Variants in DNM1L observed in about 807,000 individuals in gnomAD.
DNM1L encodes the protein dynamin 1L, also known as dynamin-1-like protein.
DNM1L carries 33 observed loss-of-function variants against 92.8 expected under a neutral mutation model. That is an observed-to-expected ratio of 0.36 (90% confidence interval 0.27 to 0.48). The LOEUF (loss-of-function observed/expected upper bound fraction) is 0.48. Among genes scored for constraint, DNM1L ranks in the 20% least tolerant of loss-of-function variants. The pLI, the probability that DNM1L is intolerant of heterozygous loss-of-function variation, is 0.99. For synonymous variants in DNM1L, 284 were observed against 305.0 expected, an observed-to-expected ratio of 0.93 and a Z score of 0.72; for missense variants, 485 against 888.8, an observed-to-expected ratio of 0.55 and a Z score of 5.78.
In DNM1L at chr12:32,731,963, A is replaced by G. The variant is rs775577818; in HGVS notation, c.1446+20A>G. ...GAAATGGTGAGCTACTATAGCATAG[A>G]TCATTGTAATTACTATTAGTAAAAG... On this transcript the variant is annotated intron_variant, in intron 12 of 19. Transcript: ENST00000549701. The surrounding 1 kb of genome is among the most constrained non-coding windows in gnomAD (Gnocchi z 5.1). 25 of 1,567,212 alleles carry G rather than the reference A, an allele frequency of 1.6e-5. 1 individual carries two copies. The South Asian group carries it at 2.7e-4, about 17-fold the overall frequency.
At chr12:32,689,180 A>G (rs1423790786) in intron 1 of DNM1L, among the ~76,000 whole-genome samples, 1 of 151,178 alleles carries the variant, frequency 6.6e-6, no homozygotes. Flanking sequence ...TGGTAGAAAC[A>G]TTGTAGTTTA....
chr12:32,706,934 C>G (rs921237283), intron 2 of DNM1L: 1 of 221,720 alleles, frequency 4.5e-6, no homozygotes, highest in African/African-American at 2.4e-5. Flanking sequence ...TTTTGCACTA[C>G]TCAGTGGGAT....
chr12:32,681,595 C>T lies in DNM1L; in HGVS notation c.102+2130C>T, dbSNP rs1390139274. Among the ~76,000 whole-genome samples, 10 of 141,976 alleles carry T rather than the reference C, an allele frequency of 7.0e-5. No homozygotes were observed. The East Asian group carries it at 2.2e-3, about 31-fold the overall frequency. 93.1% of individuals were successfully genotyped at this position (141,976 alleles called of 152,430 possible). On this transcript the variant is annotated intron_variant, in intron 1 of 19. Transcript: ENST00000549701. ...CCCCGCCCCTATTTTCTCCCCACAC[C>T]GCCCCCCCGCCCCCGCCTTTTTTGT...
chr12:32,727,418 C>T lies in DNM1L; in HGVS notation c.1080-3596C>T, dbSNP rs528909559. On this transcript the variant is annotated intron_variant, in intron 9 of 19. Coordinates refer to ENST00000549701, the MANE Select transcript of DNM1L (RefSeq NM_012062.5). ...TCAGTGGCTACTATGAGAAGCCAGG[C>T]GGCTGGAGCTGTGCAGGCAGTGACT... 113 of 720,910 alleles carry T rather than the reference C, an allele frequency of 1.6e-4. 1 individual carries two copies. Among genetic ancestry groups the T allele is most frequent in the South Asian group, 1.4e-3 (95 of 69,446 alleles). 44.7% of individuals were successfully genotyped at this position (720,910 alleles called of 1,614,324 possible).
At chr12:32,732,700 T>G (rs567643945) in intron 12 of DNM1L, 7 of 413,514 alleles carry the variant, frequency 1.7e-5, no homozygotes, top group Non-Finnish European at 2.9e-5. Flanking sequence ...TCATTGGACC[T>G]TCATTTTAAT....
At chr12:32,697,817 C>T (rs1952530453) in intron 1 of DNM1L, among the ~76,000 whole-genome samples, 1 of 151,450 alleles carries the variant, frequency 6.6e-6, no homozygotes, top group Non-Finnish European at 1.5e-5. Flanking sequence ...TAAAAAAAAT[C>T]AATTACAAAG....
chr12:32,725,854 C>T (rs1592645504), intron 9 of DNM1L, among the ~76,000 whole-genome samples: 1 of 151,546 alleles, frequency 6.6e-6, no homozygotes, highest in African/African-American at 2.4e-5. Context: ...ATCTGCCTGC[C>T]TCAGCCTCCC....
At position 32,711,524 on chromosome 12, in the gene DNM1L, C is replaced by T. The variant is rs187838921; in HGVS notation, c.456+509C>T. 3.3e-5 allele frequency among the ~76,000 whole-genome samples: 5 copies of T among 152,124 alleles called. No homozygotes were observed. In the East Asian group the frequency reaches 9.7e-4, roughly 29 times the overall value. ...GATTTGGTATTTCTATAGTCTTCCC[C>T]CATCGCAATAAATGGCAACTCATGC... On this transcript the variant is annotated intron_variant, in intron 5 of 19. Coordinates refer to ENST00000549701, the MANE Select transcript of DNM1L (RefSeq NM_012062.5).
chr12:32,689,031 C>T (rs1271008767), intron 1 of DNM1L, among the ~76,000 whole-genome samples: 1 of 152,142 alleles, frequency 6.6e-6, no homozygotes, highest in Non-Finnish European at 1.5e-5. Flanking sequence ...CTGTGAATAG[C>T]TGCTGCACTC....
At chr12:32,717,365 AAT>A (rs1355025844) in intron 6 of DNM1L, among the ~76,000 whole-genome samples, 855 of 70,484 alleles carry the variant, frequency 0.012, 49 homozygotes, top group African/African-American at 0.049. Context: ...TAGTATATAT[AAT>A]ATATATACTA....
intron 13 of DNM1L, among the ~76,000 whole-genome samples, chr12:32,736,362 C>T (rs1349558897): frequency 6.6e-6 from 1 of 152,122 alleles, no homozygotes; most frequent in East Asian, 1.9e-4. Flanking sequence ...AGGCACTGTG[C>T]CCGGCCAATA....
chr12:32,711,173 C>A, intron 5 of DNM1L, 158 bp downstream of exon 5: 2 of 672,534 alleles, frequency 3.0e-6, no homozygotes, highest in Non-Finnish European at 5.3e-6. Context: ...CTTTACTTGG[C>A]TTCCAGGATA....
chr12:32,691,562 C>T (rs1396761547), intron 1 of DNM1L, among the ~76,000 whole-genome samples: 1 of 152,038 alleles, frequency 6.6e-6, no homozygotes, highest in Non-Finnish European at 1.5e-5. Flanking sequence ...TTAACTTAAT[C>T]GCCTCTTTAA....
rs762401850 is a variant in DNM1L at position 32,705,827 on chromosome 12, C to G, written c.251-1540C>G. On this transcript the variant is annotated intron_variant, in intron 2 of 19. Coordinates refer to ENST00000549701, the MANE Select transcript of DNM1L (RefSeq NM_012062.5). ...GTGCTGTTTCTCTTTAACTACAGAC[C>G]CTGCTACATGGAAAAACTCAAGACA... 1.3e-6 allele frequency: 2 copies of G among 1,597,696 alleles called. No individual in the cohort carries two copies. Among genetic ancestry groups the G allele is most frequent in the Non-Finnish European group, 1.7e-6 (2 of 1,179,508 alleles).
intron 6 of DNM1L, among the ~76,000 whole-genome samples, chr12:32,716,780 A>G (rs905693940): frequency 6.8e-6 from 1 of 146,830 alleles, no homozygotes; most frequent in African/African-American, 2.5e-5. Flanking sequence ...TGAAAATACC[A>G]TAGGTATTTC....
rs1182081899 is a variant in DNM1L, at chr12:32,743,513, GA to G, written c.*105del. ...GAACTCCTGTGTATTGCAATGGTATGAATCTGCTCATGTGGAGACTGGCTAT... is the reference window on the plus strand; with the variant it reads ...GAACTCCTGTGTATTGCAATGGTATGATCTGCTCATGTGGAGACTGGCTAT... On this transcript the variant is annotated 3_prime_UTR_variant, in exon 20 of 20. Transcript: ENST00000549701. The G allele has an allele frequency of 8.9e-7, 1 of 1,121,338 alleles. No homozygotes were observed. Among genetic ancestry groups the G allele is most frequent in the Non-Finnish European group, 1.3e-6 (1 of 748,944 alleles). 69.5% of individuals were successfully genotyped at this position (1,121,338 alleles called of 1,614,324 possible).
Position 32,718,647 on chromosome 12 carries a change from C to T in DNM1L, c.624C>T (p.Arg208=). ...KISREVDPDG[R]RTLAVITKLD... is the part of the protein sequence containing the mutation. ...TTTTCTTTTTGCATTTACCAGGTCG[C>T]AGAACCCTAGCTGTAATCACTAAAC... The change falls in exon 7 of 20, where the codon CGC becomes CGT. Residue 208 remains arginine (R), a synonymous_variant. Coordinates refer to ENST00000549701, the MANE Select transcript of DNM1L (RefSeq NM_012062.5). The T allele has an allele frequency of 6.2e-7, 1 of 1,613,804 alleles. No homozygotes were observed. Among genetic ancestry groups the T allele is most frequent in the Non-Finnish European group, 8.5e-7 (1 of 1,179,850 alleles).
chr12:32,707,146 A>C, intron 2 of DNM1L: 1 of 448,972 alleles, frequency 2.2e-6, no homozygotes, highest in Non-Finnish European at 4.0e-6. Flanking sequence ...GAAGTTGGTC[A>C]TGTTTTTGAA....
intron 1 of DNM1L, among the ~76,000 whole-genome samples, chr12:32,682,774 A>G (rs1951859025): frequency 6.6e-6 from 1 of 152,176 alleles, no homozygotes; most frequent in Non-Finnish European, 1.5e-5. Context: ...TTTGGGGGCT[A>G]GGGACTTGGA....
Sources: gnomAD v4.1 joint callset for allele counts (sites outside exome capture counted in the v4.1 genomes callset) on GRCh38, gnomAD v4.1.1 for gene constraint, Gnocchi (gnomAD v3.1) non-coding constraint, MANE v1.5 for transcripts, NCBI Gene and HGNC (gene_info 2026-07-23, HGNC 2026-07-21) for gene names.